The following CFAP221 variants were observed in gnomAD, a reference collection of about 807,000 sequenced individuals.
The protein encoded by CFAP221 is cilia- and flagella-associated protein 221.
CFAP221 carries 97 observed loss-of-function variants against 113.1 expected under a neutral mutation model. That is an observed-to-expected ratio of 0.86 (90% CI 0.73 to 1.02). The LOEUF (loss-of-function observed/expected upper bound fraction) is 1.02. Among genes scored for constraint, CFAP221 ranks in the 50% least tolerant of loss-of-function variants. The pLI is 0.00. For synonymous variants in CFAP221, 331 were observed against 354.4 expected (o/e 0.93, Z 0.74); for missense variants, 1,025 against 1,013.4 (o/e 1.01, Z -0.16).
intron 21 of CFAP221, 120 bp downstream of exon 21, chr2:119,639,992 G>A (rs961772709): frequency 2.5e-6 from 2 of 805,912 alleles, no homozygotes; most frequent in East Asian, 2.6e-5. Flanking sequence ...CATGAGAGAA[G>A]TTTGCTAGTC....
At chr2:119,648,964 C>T (rs537101234) in intron 22 of CFAP221, among the ~76,000 whole-genome samples, 4 of 152,198 alleles carry the variant, frequency 2.6e-5, no homozygotes, top group Non-Finnish European at 5.9e-5. Context: ...GATCATTCTG[C>T]ATTTGGTTCT....
In CFAP221 at chr2:119,633,263, C is replaced by T. The variant is rs538664049; in HGVS notation, c.1974+2362C>T. Among the ~76,000 whole-genome samples the T allele has an allele frequency of 4.0e-5, 6 of 151,732 alleles. No homozygotes were observed. In the East Asian group the frequency reaches 5.8e-4, roughly 15 times the overall value. On this transcript the variant is annotated intron_variant, in intron 19 of 23. Coordinates refer to ENST00000413369, the MANE Select transcript of CFAP221 (RefSeq NM_001271049.2). ...TAGAAAACCTGAAACTATAAAACTA[C>T]TAGAAAACACATAGAAAATCTTTGT... is the stretch of plus-strand genomic sequence containing the variant.
intron 12 of CFAP221, among the ~76,000 whole-genome samples, chr2:119,610,739 A>G (rs1256920101): frequency 6.6e-6 from 1 of 152,212 alleles, no homozygotes; most frequent in Non-Finnish European, 1.5e-5. Flanking sequence ...GATGATCAGA[A>G]TAGATTTATT....
At chr2:119,625,455 C>T in intron 14 of CFAP221, 128 bp from the exon 15 acceptor site, 1 of 769,236 alleles carries the variant, frequency 1.3e-6, no homozygotes, top group East Asian at 2.7e-5. Flanking sequence ...ATGCCACACT[C>T]CCTGTGGACT....
intron 3 of CFAP221, among the ~76,000 whole-genome samples, chr2:119,554,946 G>C (rs144200985): frequency 6.6e-6 from 1 of 152,252 alleles, no homozygotes; most frequent in Non-Finnish European, 1.5e-5. Context: ...TGTTTGAAGG[G>C]TCGGGACCCA....
At chr2:119,596,374 C>T (rs1211334479) in intron 7 of CFAP221, among the ~76,000 whole-genome samples, 2 of 152,184 alleles carry the variant, frequency 1.3e-5, no homozygotes, top group African/African-American at 2.4e-5. Flanking sequence ...GTGCTGTCTC[C>T]GCGATGTTAG....
intron 6 of CFAP221, among the ~76,000 whole-genome samples, chr2:119,564,935 A>G (rs1574011242): frequency 6.6e-6 from 1 of 152,182 alleles, no homozygotes; most frequent in Non-Finnish European, 1.5e-5. Context: ...GTCACAGCAC[A>G]GATTGGGTTA....
At chr2:119,626,780 A>C (rs1446156805) in intron 15 of CFAP221, among the ~76,000 whole-genome samples, 1 of 151,946 alleles carries the variant, frequency 6.6e-6, no homozygotes, top group Admixed American at 6.6e-5. Flanking sequence ...ATAATTAAAA[A>C]TTATCCAGGA....
chr2:119,625,833 C>T, intron 15 of CFAP221, 145 bp downstream of exon 15: 1 of 639,096 alleles, frequency 1.6e-6, no homozygotes, highest in Non-Finnish European at 2.7e-6. Context: ...TATAACAAAT[C>T]ACTTGTGCCT....
In CFAP221 at chr2:119,605,231, C is replaced by T. The variant is rs779507937; in HGVS notation, c.1075C>T (p.Leu359Phe). 3 of 1,614,168 alleles carry T rather than the reference C, an allele frequency of 1.9e-6. No individual in the cohort carries two copies. The highest frequency in any genetic ancestry group is 2.2e-5 in the South Asian group (2 of 91,076). The change falls in exon 11 of 24, where the codon CTC becomes TTC. Residue 359 changes from leucine (L) to phenylalanine (F), a missense_variant. Transcript: ENST00000413369. ...AAAAACGAGACAGATGAAGGAGGCA[C>T]TCTTTGAACAGAAAGTCAGACAGGA... is the stretch of plus-strand genomic sequence containing the variant. Reference protein sequence around the residue: ...ISKTRQMKEALFEQKVRQDIH... With the variant: ...ISKTRQMKEAFFEQKVRQDIH...
chr2:119,590,321 C>A (rs1173075714), intron 7 of CFAP221: 1 of 151,996 alleles, frequency 6.6e-6, no homozygotes, highest in Non-Finnish European at 1.5e-5. Context: ...GGGAGTAAAC[C>A]CAGAACCTCT....
chr2:119,627,601 C>G, intron 15 of CFAP221, 52 bp from the exon 16 acceptor site: 1 of 1,559,218 alleles, frequency 6.4e-7, no homozygotes, highest in Non-Finnish European at 8.7e-7. Flanking sequence ...TGGTGATTTC[C>G]CATAAAAATA....
intron 5 of CFAP221, among the ~76,000 whole-genome samples, chr2:119,560,920 C>A (rs1681199554): frequency 6.6e-6 from 1 of 151,914 alleles, no homozygotes; most frequent in African/African-American, 2.4e-5. Flanking sequence ...AACATACCCA[C>A]AATAGTATTT....
At position 119,656,413 on chromosome 2, in the gene CFAP221, C is replaced by T. The variant is rs199507566; in HGVS notation, c.2466C>T (p.Leu822=). 89 of 1,613,946 alleles carry T rather than the reference C, an allele frequency of 5.5e-5. No homozygotes were observed. The highest frequency in any genetic ancestry group is 3.8e-4 in the East Asian group (17 of 44,854). Residue 822 remains leucine, a synonymous_variant, in exon 24 of 24, where the codon CTC becomes CTT. Transcript: ENST00000413369. The part of the protein sequence containing the change: ...QPAEKAGEKL[L]EEMRNLRGKA... ...CAGAGAAGGCCGGAGAGAAGCTGCT[C>T]GAGGAGATGAGGAACCTGCGGGGCA... is the stretch of plus-strand genomic sequence containing the variant.
intron 5 of CFAP221, among the ~76,000 whole-genome samples, 164 bp from the exon 6 acceptor site, chr2:119,561,850 G>A (rs1681264198): frequency 6.6e-6 from 1 of 152,182 alleles, no homozygotes; most frequent in Non-Finnish European, 1.5e-5. Context: ...CTTTGTTTAT[G>A]GCTAAGAAAA....
In CFAP221 at chr2:119,635,103, G is replaced by T. The variant is rs150955208; in HGVS notation, c.1975-3156G>T. The stretch of plus-strand genomic sequence containing the variant: ...AAGAAGATATACAGATGGCAAATAT[G>T]CACACGAGAAGATGCACAGAATAAT... On this transcript the variant is annotated intron_variant, in intron 19 of 23. Coordinates refer to ENST00000413369, the MANE Select transcript of CFAP221 (RefSeq NM_001271049.2). Among the ~76,000 whole-genome samples the T allele has an allele frequency of 6.0e-4, 92 of 152,174 alleles. 1 individual carries two copies. Among genetic ancestry groups the T allele is most frequent in the Non-Finnish European group, 1.8e-4 (12 of 68,034 alleles).
chr2:119,612,361 G>T (rs11123529), intron 13 of CFAP221, among the ~76,000 whole-genome samples: 150,160 of 152,366 alleles, frequency 0.99, 74,043 homozygotes, highest in Non-Finnish European at 1. Flanking sequence ...CTCAGGAAAC[G>T]TACAATCATG....
chr2:119,624,093 T>G (rs1686125357), intron 14 of CFAP221, among the ~76,000 whole-genome samples: 1 of 152,122 alleles, frequency 6.6e-6, no homozygotes, highest in African/African-American at 2.4e-5. Flanking sequence ...ACCTATAGAA[T>G]GGGAGAAGAT....
chr2:119,630,132 G>A (rs1163658835), intron 17 of CFAP221, among the ~76,000 whole-genome samples, 177 bp downstream of exon 17: 1 of 152,130 alleles, frequency 6.6e-6, no homozygotes, highest in African/African-American at 2.4e-5. Flanking sequence ...TCATAGTGTG[G>A]CTTAGGCAAA....
Sources: gnomAD v4.1 joint callset for allele counts (sites outside exome capture counted in the v4.1 genomes callset) on GRCh38, gnomAD v4.1.1 for gene constraint, MANE v1.5 for transcripts, NCBI Gene and HGNC (gene_info 2026-07-23, HGNC 2026-07-21) for gene names.